Variants in FBP2 observed in about 807,000 individuals in gnomAD.
FBP2 encodes the protein fructose-1,6-bisphosphatase isozyme 2.
A neutral mutation model predicts 31.6 loss-of-function variants in FBP2; 27 were observed. The observed-to-expected ratio is 0.85, with a 90% CI of 0.63 to 1.18. FBP2 has a LOEUF of 1.18. FBP2 is among the 50% of genes most tolerant of loss of function. The pLI, the probability that FBP2 is intolerant of heterozygous loss-of-function variation, is 0.00. For synonymous variants in FBP2, 168 were observed against 179.8 expected (o/e 0.93, Z 0.53); for missense variants, 421 against 436.1 (o/e 0.97, Z 0.31).
chr9:94,591,718 C>T (rs1451010032), intron 1 of FBP2, among the ~76,000 whole-genome samples: 1 of 152,080 alleles, frequency 6.6e-6, no homozygotes, highest in Non-Finnish European at 1.5e-5. Context: ...CTTACGGGGC[C>T]GGCACAGTTG....
intron 6 of FBP2, among the ~76,000 whole-genome samples, 184 bp downstream of exon 6, chr9:94,563,158 T>C (rs374534770): frequency 9.2e-5 from 14 of 152,262 alleles, no homozygotes; most frequent in South Asian, 4.1e-4. Flanking sequence ...CCTGTCGCCT[T>C]CTTCTTCAAA....
chr9:94,582,347 T>TGTGC (rs905428408), intron 3 of FBP2, among the ~76,000 whole-genome samples: 2 of 81,120 alleles, frequency 2.5e-5, no homozygotes, highest in African/African-American at 1.0e-4. Context: ...TATGTGTGTG[T>TGTGC]GTGCGTGTGT....
At chr9:94,560,762 A>C (rs1304118234) in intron 6 of FBP2, among the ~76,000 whole-genome samples, 1 of 147,996 alleles carries the variant, frequency 6.8e-6, no homozygotes, top group Non-Finnish European at 1.5e-5. Context: ...ATATTTATAT[A>C]ATGTTATTAT....
chr9:94,584,199 G>C (rs536173743), intron 3 of FBP2, among the ~76,000 whole-genome samples: 1 of 152,176 alleles, frequency 6.6e-6, no homozygotes, highest in Non-Finnish European at 1.5e-5. Context: ...TCCAATGAGC[G>C]TTAGCAGAAA....
Position 94,573,597 on chromosome 9 carries a change from C to A in FBP2, c.427-1995G>T, listed in dbSNP as rs540276837. On this transcript the variant is annotated intron_variant, in intron 3 of 6. Transcript: ENST00000375337. ...CAATAGATACGATTATGTGATTTTT[C>A]TTCTTTAGCCTGTTGATATGGTGGA... Among the ~76,000 whole-genome samples, 6 of 152,194 alleles carry A rather than the reference C, an allele frequency of 3.9e-5. No homozygotes were observed. In the East Asian group the frequency reaches 1.2e-3, roughly 29 times the overall value.
At chr9:94,582,547 ATT>A (rs35999121) in intron 3 of FBP2, among the ~76,000 whole-genome samples, 11 of 132,188 alleles carry the variant, frequency 8.3e-5, no homozygotes, top group Non-Finnish European at 7.9e-5. Flanking sequence ...CTCTTGGCTA[ATT>A]TTTTTTTTTT....
chr9:94,587,443 A>T lies in FBP2; in HGVS notation c.197T>A (p.Val66Glu), dbSNP rs2131460008. 6.2e-7 allele frequency: 1 copy of T among 1,614,104 alleles called. No individual in the cohort carries two copies. Among genetic ancestry groups the T allele is most frequent in the African/African-American group, 1.3e-5 (1 of 75,034 alleles). The change falls in exon 2 of 7, where the codon GTG becomes GAG. Residue 66 changes from valine (V) to glutamate (E), a missense_variant. Physicochemically the swap from Val to Glu is moderately radical, Grantham distance 121. Transcript: ENST00000375337. ...CAGTTTCTTCACCTCATCTCCCGTC[A>T]CGTTAACGCTTCCTGCGATTCCATA... ...HLYGIAGSVN[V>E]TGDEVKKLDV...
At position 94,558,766 on chromosome 9, in the gene FBP2, A is replaced by G; in HGVS notation, c.*172T>C. The G allele has an allele frequency of 1.6e-6, 1 of 623,438 alleles. No individual in the cohort carries two copies. The highest frequency in any genetic ancestry group is 2.8e-6 in the Non-Finnish European group (1 of 356,214). The allele number at this position is 623,438 out of a possible 1,614,324, so 38.6% of individuals were successfully genotyped here. Reference sequence around the variant, plus strand: ...TTCTAGTCCTTCACATTGACCATAGAATCGCCTGTGGCTTCCAAACCTGTC... The same window carrying G: ...TTCTAGTCCTTCACATTGACCATAGGATCGCCTGTGGCTTCCAAACCTGTC... On this transcript the variant is annotated 3_prime_UTR_variant, in exon 7 of 7. Transcript: ENST00000375337.
At chr9:94,587,222 G>T in intron 2 of FBP2, 85 bp downstream of exon 2, 3 of 1,182,128 alleles carry the variant, frequency 2.5e-6, no homozygotes, top group Admixed American at 2.4e-5. Flanking sequence ...GGAGAATCCC[G>T]GGAATTAAAG....
intron 3 of FBP2, among the ~76,000 whole-genome samples, chr9:94,576,905 G>A (rs951974107): frequency 6.6e-5 from 10 of 152,178 alleles, no homozygotes; most frequent in Admixed American, 5.9e-4. Flanking sequence ...TGGGGTTGGG[G>A]GGGCATTGGA....
At chr9:94,562,950 A>T (rs917816951) in intron 6 of FBP2, among the ~76,000 whole-genome samples, 1 of 152,206 alleles carries the variant, frequency 6.6e-6, no homozygotes, top group Non-Finnish European at 1.5e-5. Context: ...GTACGTTTAC[A>T]TGCATTTGTT....
At position 94,558,809 on chromosome 9, in the gene FBP2, G is replaced by A. The variant is rs1237296476; in HGVS notation, c.*129C>T. 2 of 829,740 alleles carry A rather than the reference G, an allele frequency of 2.4e-6. No individual in the cohort carries two copies. The highest frequency in any genetic ancestry group is 2.7e-5 in the East Asian group (1 of 37,206). 51.4% of individuals were successfully genotyped at this position (829,740 alleles called of 1,614,324 possible). A position where few individuals can be genotyped will look rare whatever the true frequency, so the allele number is the denominator to read the frequency against. ...AACCTGTCGTAAGCAGTTTGTTGTTGCTCTTCTGTATGTGATTAAGTGGAT... is the reference window on the plus strand; with the variant it reads ...AACCTGTCGTAAGCAGTTTGTTGTTACTCTTCTGTATGTGATTAAGTGGAT... On this transcript the variant is annotated 3_prime_UTR_variant, in exon 7 of 7. Transcript: ENST00000375337.
At chr9:94,584,194 T>A (rs769708031) in intron 3 of FBP2, among the ~76,000 whole-genome samples, 2 of 152,148 alleles carry the variant, frequency 1.3e-5, no homozygotes, top group Admixed American at 6.5e-5. Context: ...TCTAATCCAA[T>A]GAGCGTTAGC....
intron 6 of FBP2, among the ~76,000 whole-genome samples, chr9:94,561,069 A>C (rs559647447): frequency 6.6e-6 from 1 of 152,238 alleles, no homozygotes; most frequent in South Asian, 2.1e-4. Context: ...CAGTCTAGCC[A>C]AGGAGACTCT....
intron 5 of FBP2, among the ~76,000 whole-genome samples, chr9:94,563,987 A>G (rs1827148530): frequency 6.6e-6 from 1 of 152,246 alleles, no homozygotes; most frequent in South Asian, 2.1e-4. Context: ...AGATTCATAA[A>G]GCAAGTCCTT....
chr9:94,576,451 T>C (rs1003416586), intron 3 of FBP2, among the ~76,000 whole-genome samples: 3 of 152,176 alleles, frequency 2.0e-5, no homozygotes, highest in Non-Finnish European at 2.9e-5. Flanking sequence ...GCCCATACAG[T>C]GTGCTCTGGG....
chr9:94,588,857 C>T (rs1827460452), intron 1 of FBP2, among the ~76,000 whole-genome samples: 1 of 152,156 alleles, frequency 6.6e-6, no homozygotes, highest in South Asian at 2.1e-4. Flanking sequence ...CTCACAGGGT[C>T]AGCCCCAGCC....
At chr9:94,582,373 T>A (rs961897257) in intron 3 of FBP2, among the ~76,000 whole-genome samples, 1 of 151,862 alleles carries the variant, frequency 6.6e-6, no homozygotes, top group African/African-American at 2.4e-5. Flanking sequence ...TGTGTGTGTG[T>A]GTGTGTGTGT....
rs1564181328 is a variant in FBP2 at position 94,567,280 on chromosome 9, TTC to T, written c.693_694del (p.Lys232IlefsTer3). 1.2e-6 allele frequency: 2 copies of T among 1,614,040 alleles called. No individual in the cohort carries two copies. Among genetic ancestry groups the T allele is most frequent in the African/African-American group, 2.7e-5 (2 of 74,932 alleles). On this transcript the variant is annotated frameshift_variant, in exon 5 of 7. Transcript: ENST00000375337. LOFTEE classifies it high-confidence loss of function. The stretch of plus-strand genomic sequence containing the variant: ...GCTTTCTTCACTCACCTCAGGGAAT[TTC>T]TTTTTCTGCACATATTCAGTGGTGG...
Sources: allele counts gnomAD v4.1 joint callset (sites outside exome capture counted in the v4.1 genomes callset), GRCh38; gene constraint gnomAD v4.1.1; transcripts MANE v1.5; gene names NCBI Gene and HGNC (gene_info 2026-07-23, HGNC 2026-07-21).